Variants in SLC24A4 observed in about 807,000 individuals in gnomAD.
SLC24A4 encodes sodium/potassium/calcium exchanger 4.
SLC24A4 carries 53 observed loss-of-function variants against 79.0 expected under a neutral mutation model. The ratio of observed to expected loss-of-function variants is 0.67; its 90% CI spans 0.54 to 0.84. The LOEUF is 0.84. Ranked by LOEUF, SLC24A4 falls within the 40% of genes least tolerant of loss-of-function variation. The pLI is 0.00. For missense variants in SLC24A4, 731 were observed against 822.0 expected, an observed-to-expected ratio of 0.89 and a Z score of 1.35; for synonymous variants, 323 against 323.8, an observed-to-expected ratio of 1.00 and a Z score of 0.03.
intron 2 of SLC24A4, among the ~76,000 whole-genome samples, chr14:92,351,236 G>GCGCGCACACACACA (rs112120101): frequency 0.016 from 2,420 of 147,024 alleles, 93 homozygotes; most frequent in African/African-American, 0.057. Context: ...ACACATACAC[G>GCGCGCACACACACA]CACACACACA....
chr14:92,485,488 A>G (rs910748344), intron 13 of SLC24A4, among the ~76,000 whole-genome samples: 1 of 152,088 alleles, frequency 6.6e-6, no homozygotes, highest in Non-Finnish European at 1.5e-5. Flanking sequence ...GAAAAGAAAA[A>G]AAAAAACTCC....
chr14:92,423,953 A>G (rs1216449980), intron 2 of SLC24A4, among the ~76,000 whole-genome samples: 2 of 152,214 alleles, frequency 1.3e-5, no homozygotes, highest in Non-Finnish European at 2.9e-5. Context: ...ATATCAAGGT[A>G]TCAGCAGGAT....
At chr14:92,388,482 T>C (rs997260698) in intron 2 of SLC24A4, among the ~76,000 whole-genome samples, 8 of 152,312 alleles carry the variant, frequency 5.3e-5, no homozygotes, top group Admixed American at 3.9e-4. Context: ...ATCTTCTTTT[T>C]GGTTAATGAA....
chr14:92,344,323 A>G (rs1203798713), intron 2 of SLC24A4, among the ~76,000 whole-genome samples: 1 of 152,228 alleles, frequency 6.6e-6, no homozygotes, highest in East Asian at 1.9e-4. Context: ...TTCATTGCCA[A>G]CTAGTGATGC....
At chr14:92,377,890 G>T (rs1193458682) in intron 2 of SLC24A4, among the ~76,000 whole-genome samples, 1 of 151,962 alleles carries the variant, frequency 6.6e-6, no homozygotes, top group Non-Finnish European at 1.5e-5. Flanking sequence ...AAGAAGGGCT[G>T]GGGCTGACTC....
At chr14:92,361,985 T>G (rs764831077) in intron 2 of SLC24A4, among the ~76,000 whole-genome samples, 10 of 152,090 alleles carry the variant, frequency 6.6e-5, no homozygotes, top group Non-Finnish European at 1.3e-4. Flanking sequence ...GACCCTTGAG[T>G]GATTCCTGGC....
intron 2 of SLC24A4, among the ~76,000 whole-genome samples, chr14:92,421,281 A>C (rs1226183606): frequency 2.0e-5 from 3 of 152,198 alleles, no homozygotes; most frequent in Non-Finnish European, 2.9e-5. Flanking sequence ...ACTTGAGTAC[A>C]ATAAAATACA....
At chr14:92,372,912 C>T (rs1174713676) in intron 2 of SLC24A4, among the ~76,000 whole-genome samples, 4 of 115,824 alleles carry the variant, frequency 3.5e-5, no homozygotes, top group African/African-American at 1.0e-4. Context: ...TTCCTTCCTT[C>T]CTTCCTTTCT....
At chr14:92,471,785 G>C (rs1343529104) in intron 12 of SLC24A4, among the ~76,000 whole-genome samples, 1 of 152,126 alleles carries the variant, frequency 6.6e-6, no homozygotes, top group Admixed American at 6.5e-5. Context: ...ATAGAGGGTT[G>C]GTTCCCTAAA....
At chr14:92,482,652 T>G (rs555422671) in intron 12 of SLC24A4, 28 bp from the exon 13 acceptor site, 1 of 1,572,718 alleles carries the variant, frequency 6.4e-7, no homozygotes, top group Non-Finnish European at 8.6e-7. Flanking sequence ...CTCCCCCTCC[T>G]TTCTCACTCT....
chr14:92,457,057 T>G (rs1414848129), intron 12 of SLC24A4, among the ~76,000 whole-genome samples: 1 of 152,256 alleles, frequency 6.6e-6, no homozygotes, highest in African/African-American at 2.4e-5. Context: ...CAAATGATCC[T>G]TAGACAGTCA....
chr14:92,364,653 C>T (rs1887722031), intron 2 of SLC24A4, among the ~76,000 whole-genome samples: 1 of 152,110 alleles, frequency 6.6e-6, no homozygotes, highest in Non-Finnish European at 1.5e-5. Flanking sequence ...CAGCCTCTGT[C>T]CCTCTGCCTG....
intron 2 of SLC24A4, among the ~76,000 whole-genome samples, chr14:92,372,670 C>T (rs757804365): frequency 2.6e-5 from 4 of 152,128 alleles, no homozygotes; most frequent in Non-Finnish European, 4.4e-5. Flanking sequence ...TTTCCAGAAT[C>T]GGAGGATCTA....
intron 2 of SLC24A4, among the ~76,000 whole-genome samples, chr14:92,362,193 T>C (rs964611830): frequency 7.8e-6 from 1 of 127,674 alleles, no homozygotes; most frequent in East Asian, 2.5e-4. Context: ...CCTGAATCCT[T>C]GCTGACCTCA....
intron 12 of SLC24A4, among the ~76,000 whole-genome samples, chr14:92,476,013 G>T (rs1336846932): frequency 6.6e-6 from 1 of 152,268 alleles, no homozygotes; most frequent in East Asian, 1.9e-4. Flanking sequence ...CCAGATGGGG[G>T]TGGATGTTGA....
chr14:92,436,859 C>G (rs1388211915), intron 3 of SLC24A4, among the ~76,000 whole-genome samples: 1 of 152,170 alleles, frequency 6.6e-6, no homozygotes, highest in Non-Finnish European at 1.5e-5. Context: ...AGCTTCGTAG[C>G]AGGGTCTCCC....
At chr14:92,343,917 G>A (rs1248411698) in intron 2 of SLC24A4, among the ~76,000 whole-genome samples, 3 of 152,148 alleles carry the variant, frequency 2.0e-5, no homozygotes, top group Admixed American at 6.5e-5. Context: ...TGGCCAGGCT[G>A]GTCTTGAACT....
intron 9 of SLC24A4, among the ~76,000 whole-genome samples, chr14:92,447,696 A>G (rs1202914212): frequency 3.3e-5 from 5 of 152,208 alleles, no homozygotes; most frequent in Non-Finnish European, 5.9e-5. Flanking sequence ...GTAGCATGCA[A>G]GGGCCTCTTT....
At chr14:92,424,713 A>G (rs2139766930) in intron 2 of SLC24A4, among the ~76,000 whole-genome samples, 1 of 150,764 alleles carries the variant, frequency 6.6e-6, no homozygotes, top group East Asian at 1.9e-4. Context: ...AAAAAAAAAT[A>G]CCAAAAATAT....
Sources: gnomAD v4.1 joint callset for allele counts (sites outside exome capture counted in the v4.1 genomes callset) on GRCh38, gnomAD v4.1.1 for gene constraint, MANE v1.5 for transcripts, NCBI Gene and HGNC (gene_info 2026-07-23, HGNC 2026-07-21) for gene names.